GRIK2: variants seen among roughly 807,000 people sequenced by gnomAD.
The protein encoded by GRIK2 is glutamate ionotropic receptor kainate type subunit 2.
In GRIK2, 32 loss-of-function variants were observed where a neutral mutation model predicts 100.3. That is an observed-to-expected ratio of 0.32 (90% CI 0.24 to 0.43). The LOEUF is 0.43. Among genes scored for constraint, GRIK2 ranks in the 20% least tolerant of loss-of-function variants. The probability of loss-of-function intolerance (pLI) is 1.00; values close to 1 mark genes in which losing one functional copy is unlikely to be tolerated. For synonymous variants in GRIK2, 417 were observed against 389.4 expected, an observed-to-expected ratio of 1.07 and a Z score of -0.83; for missense variants, 843 against 1,114.9, an observed-to-expected ratio of 0.76 and a Z score of 3.47.
At chr6:102,059,823 G>C (rs1407082634) in intron 16 of GRIK2, among the ~76,000 whole-genome samples, 2 of 150,026 alleles carry the variant, frequency 1.3e-5, no homozygotes, top group African/African-American at 4.9e-5. Flanking sequence ...TGTGTGTTTT[G>C]TATATAGAAA....
chr6:101,892,270 C>T (rs370904819), intron 12 of GRIK2, among the ~76,000 whole-genome samples: 12 of 152,256 alleles, frequency 7.9e-5, no homozygotes, highest in East Asian at 3.9e-4. Context: ...TCCAAGCCCA[C>T]GGCTTTTGAA....
intron 2 of GRIK2, among the ~76,000 whole-genome samples, chr6:101,537,226 T>C (rs901493277): frequency 6.6e-6 from 1 of 151,852 alleles, no homozygotes; most frequent in African/African-American, 2.4e-5. Context: ...AATATTATTC[T>C]TTCAATAAAC....
At chr6:102,044,681 G>C (rs1042015208) in intron 15 of GRIK2, among the ~76,000 whole-genome samples, 2 of 151,996 alleles carry the variant, frequency 1.3e-5, no homozygotes, top group Non-Finnish European at 2.9e-5. Flanking sequence ...AATTCAAAAT[G>C]AGATTTGGGT....
At chr6:101,567,994 C>G (rs929818270) in intron 2 of GRIK2, among the ~76,000 whole-genome samples, 1 of 151,740 alleles carries the variant, frequency 6.6e-6, no homozygotes, top group Non-Finnish European at 1.5e-5. Flanking sequence ...ATTTAATATT[C>G]TTGTTTCTAA....
intron 1 of GRIK2, among the ~76,000 whole-genome samples, chr6:101,398,304 G>T (rs1159061517): frequency 6.6e-6 from 1 of 151,986 alleles, no homozygotes; most frequent in East Asian, 1.9e-4. Flanking sequence ...TTAAAAAATG[G>T]GTGGAAAATT....
chr6:101,515,806 A>G (rs1447548371), intron 2 of GRIK2, among the ~76,000 whole-genome samples: 2 of 152,012 alleles, frequency 1.3e-5, no homozygotes, highest in Non-Finnish European at 2.9e-5. Flanking sequence ...GTTGTAGATT[A>G]TGGATATTAG....
chr6:101,680,576 G>A (rs1771168604), intron 5 of GRIK2, among the ~76,000 whole-genome samples: 1 of 152,094 alleles, frequency 6.6e-6, no homozygotes, highest in Non-Finnish European at 1.5e-5. Flanking sequence ...GCTTAGAATA[G>A]TATCTGACAA....
intron 14 of GRIK2, among the ~76,000 whole-genome samples, chr6:101,968,360 C>G (rs1562074441): frequency 6.6e-6 from 1 of 151,844 alleles, no homozygotes; most frequent in South Asian, 2.1e-4. Context: ...AGAGTTAAAG[C>G]AATTTTTTTC....
intron 14 of GRIK2, among the ~76,000 whole-genome samples, chr6:101,941,859 A>G (rs1259163468): frequency 6.6e-6 from 1 of 152,136 alleles, no homozygotes; most frequent in Non-Finnish European, 1.5e-5. Context: ...TGCCTTTTTT[A>G]AGATTAGAAT....
chr6:101,661,796 G>A (rs1412493484), intron 4 of GRIK2, among the ~76,000 whole-genome samples: 2 of 152,088 alleles, frequency 1.3e-5, no homozygotes, highest in East Asian at 3.9e-4. Context: ...GCCCTCCGTG[G>A]ACTGCACCCA....
chr6:102,033,974 G>C (rs1182380780), intron 14 of GRIK2, among the ~76,000 whole-genome samples: 1 of 151,342 alleles, frequency 6.6e-6, no homozygotes, highest in Non-Finnish European at 1.5e-5. Context: ...AATGTTTGAT[G>C]TGTTTATCAC....
chr6:101,551,648 A>C (rs1776512642), intron 2 of GRIK2, among the ~76,000 whole-genome samples: 1 of 152,172 alleles, frequency 6.6e-6, no homozygotes, highest in South Asian at 2.1e-4. Flanking sequence ...GGAACATAGA[A>C]GCGAACAAGG....
intron 14 of GRIK2, among the ~76,000 whole-genome samples, chr6:101,964,277 GTATGA>G (rs1180086643): frequency 6.6e-6 from 1 of 151,616 alleles, no homozygotes; most frequent in African/African-American, 2.4e-5. Flanking sequence ...ATGATTTTGT[GTATGA>G]TATAACATAT....
At chr6:101,754,587 TCA>T (rs1777008366) in intron 7 of GRIK2, among the ~76,000 whole-genome samples, 1 of 152,172 alleles carries the variant, frequency 6.6e-6, no homozygotes, top group Non-Finnish European at 1.5e-5. Flanking sequence ...CACAGAACAT[TCA>T]GTCTCACGAG....
chr6:101,783,398 G>C (rs1278490137), intron 7 of GRIK2, among the ~76,000 whole-genome samples: 4 of 151,990 alleles, frequency 2.6e-5, no homozygotes, highest in Non-Finnish European at 4.4e-5. Flanking sequence ...GTTTCCTGAG[G>C]CCTCTCCAGT....
chr6:101,889,049 A>G (rs1786858391), intron 11 of GRIK2, among the ~76,000 whole-genome samples: 1 of 152,126 alleles, frequency 6.6e-6, no homozygotes, highest in African/African-American at 2.4e-5. Flanking sequence ...TTTTCATTAA[A>G]TAATATAAAA....
chr6:101,793,175 A>G (rs891024364), intron 7 of GRIK2, among the ~76,000 whole-genome samples: 1 of 152,132 alleles, frequency 6.6e-6, no homozygotes, highest in Admixed American at 6.5e-5. Context: ...AGCTCGGAGT[A>G]GTTTGATCAT....
At chr6:101,532,052 G>A (rs1248534922) in intron 2 of GRIK2, among the ~76,000 whole-genome samples, 1 of 151,816 alleles carries the variant, frequency 6.6e-6, no homozygotes, top group African/African-American at 2.4e-5. Context: ...AACAAATGCT[G>A]CAAAGACTCT....
intron 4 of GRIK2, among the ~76,000 whole-genome samples, chr6:101,646,906 AAG>A (rs1439788550): frequency 6.6e-6 from 1 of 151,986 alleles, no homozygotes; most frequent in African/African-American, 2.4e-5. Flanking sequence ...AGAGACAAGA[AAG>A]AGATATAAAA....
Sources: allele counts gnomAD v4.1 joint callset (sites outside exome capture counted in the v4.1 genomes callset), GRCh38; gene constraint gnomAD v4.1.1; transcripts MANE v1.5; gene names NCBI Gene and HGNC (gene_info 2026-07-23, HGNC 2026-07-21).